The following QKI variants were observed in gnomAD, a reference collection of about 807,000 sequenced individuals.
QKI encodes KH domain-containing RNA-binding protein QKI.
Under a neutral mutation model 39.0 loss-of-function variants are expected in QKI, and 10 were observed. That is an observed-to-expected ratio of 0.26 (90% CI 0.16 to 0.43). The LOEUF is 0.43. QKI is among the 20% of genes least tolerant of loss of function. The probability of loss-of-function intolerance (pLI) is 1.00; values close to 1 mark genes in which losing one functional copy is unlikely to be tolerated. For synonymous variants in QKI, 204 were observed against 155.4 expected (o/e 1.31, Z -2.33); for missense variants, 218 against 428.0 (o/e 0.51, Z 4.33).
At chr6:163,499,574 A>C (rs1383353045) in intron 3 of QKI, among the ~76,000 whole-genome samples, 1 of 152,220 alleles carries the variant, frequency 6.6e-6, no homozygotes, top group Admixed American at 6.5e-5. Flanking sequence ...GTTTAGTTTA[A>C]CATTTAATGG....
chr6:163,454,539 G>A (rs539416218), intron 1 of QKI, among the ~76,000 whole-genome samples: 4 of 152,092 alleles, frequency 2.6e-5, no homozygotes, highest in Admixed American at 6.6e-5. Context: ...TGTAGTATTC[G>A]ATACTGTTGG....
intron 2 of QKI, among the ~76,000 whole-genome samples, chr6:163,473,563 G>A (rs1364144511): frequency 1.3e-5 from 2 of 152,060 alleles, no homozygotes; most frequent in South Asian, 2.1e-4. Flanking sequence ...ATGAGACATC[G>A]TTTCAGATCT....
At position 163,577,125 on chromosome 6, in the gene QKI, G is replaced by A. The variant is rs867913490; in HGVS notation, c.*6415G>A. ...ATTTCCAGTAGTGTGAAACCTTTAC[G>A]AGTCTTTAACATCTAAATGTTATGA... On this transcript the variant is annotated 3_prime_UTR_variant, in exon 8 of 8. Coordinates refer to ENST00000361752, the MANE Select transcript of QKI (RefSeq NM_006775.3). 4 of 152,026 alleles carry A rather than the reference G, an allele frequency of 2.6e-5. No individual in the cohort carries two copies. Among genetic ancestry groups the A allele is most frequent in the Non-Finnish European group, 4.4e-5 (3 of 68,004 alleles). 9.4% of individuals were successfully genotyped at this position (152,026 alleles called of 1,614,324 possible).
intron 4 of QKI, among the ~76,000 whole-genome samples, chr6:163,553,490 A>G (rs1301831565): frequency 6.6e-6 from 1 of 151,816 alleles, no homozygotes; most frequent in East Asian, 1.9e-4. Context: ...CAGCCCAACC[A>G]TATCATCTAA....
chr6:163,542,461 C>G (rs981099000), intron 4 of QKI, among the ~76,000 whole-genome samples: 3 of 151,976 alleles, frequency 2.0e-5, no homozygotes, highest in Non-Finnish European at 4.4e-5. Context: ...CTTGTTTTCA[C>G]TATAATTTTC....
intron 1 of QKI, chr6:163,416,204 A>G (rs1406352607): frequency 3.0e-6 from 1 of 337,724 alleles, no homozygotes; most frequent in Non-Finnish European, 5.9e-6. Flanking sequence ...AGGGCGAAAT[A>G]AAATTGAGCC....
At chr6:163,560,355 A>G (rs2143358) in intron 4 of QKI, among the ~76,000 whole-genome samples, 15,066 of 152,218 alleles carry the variant, frequency 0.099, 899 homozygotes, top group East Asian at 0.26. Context: ...AAGCAGTGGC[A>G]TTATTTGAGG....
chr6:163,502,225 A>C (rs1778815119), intron 3 of QKI, among the ~76,000 whole-genome samples: 1 of 152,088 alleles, frequency 6.6e-6, no homozygotes, highest in Non-Finnish European at 1.5e-5. Flanking sequence ...TGGGAGGCTG[A>C]GGTGGGAGGA....
intron 3 of QKI, among the ~76,000 whole-genome samples, chr6:163,498,263 G>A (rs532330236): frequency 6.7e-6 from 1 of 150,150 alleles, no homozygotes; most frequent in South Asian, 2.1e-4. Context: ...TAACAAATTT[G>A]CACAATTGTA....
intron 3 of QKI, among the ~76,000 whole-genome samples, chr6:163,493,560 T>G (rs1778204027): frequency 6.6e-6 from 1 of 152,182 alleles, no homozygotes; most frequent in African/African-American, 2.4e-5. Flanking sequence ...ACTTTATCAT[T>G]AAGATAAATG....
chr6:163,435,960 T>A (rs1035728851), intron 1 of QKI, among the ~76,000 whole-genome samples: 4 of 152,174 alleles, frequency 2.6e-5, no homozygotes, highest in African/African-American at 9.7e-5. Context: ...GTGACTAATG[T>A]TTGTAATTTC....
intron 4 of QKI, among the ~76,000 whole-genome samples, chr6:163,557,848 A>G (rs570018468): frequency 6.6e-6 from 1 of 152,008 alleles, no homozygotes; most frequent in Non-Finnish European, 1.5e-5. Context: ...TCGTGACTGG[A>G]TATTGCACTT....
At chr6:163,439,506 C>T (rs1485769067) in intron 1 of QKI, among the ~76,000 whole-genome samples, 1 of 151,330 alleles carries the variant, frequency 6.6e-6, no homozygotes, top group East Asian at 1.9e-4. Context: ...CGCCACCACA[C>T]ATGGCTAATT....
At chr6:163,549,610 G>A (rs1374232385) in intron 4 of QKI, among the ~76,000 whole-genome samples, 1 of 152,198 alleles carries the variant, frequency 6.6e-6, no homozygotes, top group Non-Finnish European at 1.5e-5. Flanking sequence ...TACTCCGAAA[G>A]CTGAGGCACA....
rs757985858 is a variant in QKI, at chr6:163,415,310, C to T, written c.117C>T (p.Asn39=). Residue 39 remains asparagine, a synonymous_variant, in exon 1 of 8, where the codon AAC becomes AAT. Coordinates refer to ENST00000361752, the MANE Select transcript of QKI (RefSeq NM_006775.3). The part of the protein sequence containing the change: ...SSLPNFCGIF[N]HLERLLDEEI... ...TGCCCAACTTCTGCGGGATCTTCAA[C>T]CACCTCGAGCGGCTGCTGGACGAAG... The T allele has an allele frequency of 4.4e-6, 7 of 1,593,404 alleles. No homozygotes were observed. Among genetic ancestry groups the T allele is most frequent in the South Asian group, 1.1e-5 (1 of 90,214 alleles).
At chr6:163,497,455 TAATTC>T (rs1778482002) in intron 3 of QKI, among the ~76,000 whole-genome samples, 1 of 152,120 alleles carries the variant, frequency 6.6e-6, no homozygotes, top group African/African-American at 2.4e-5. Context: ...TTGAAATTCT[TAATTC>T]AGTAGCAAAT....
chr6:163,429,192 G>A (rs1788641744), intron 1 of QKI, among the ~76,000 whole-genome samples: 1 of 152,140 alleles, frequency 6.6e-6, no homozygotes, highest in South Asian at 2.1e-4. Flanking sequence ...TTTATGAGAA[G>A]CTTGAATTTC....
At chr6:163,493,316 G>A (rs1371207579) in intron 3 of QKI, among the ~76,000 whole-genome samples, 1 of 152,012 alleles carries the variant, frequency 6.6e-6, no homozygotes, top group Admixed American at 6.6e-5. Context: ...ATTTCTAATA[G>A]TGACGGGGTT....
At chr6:163,569,893 A>T (rs1783603695) in intron 7 of QKI, 1 of 986,948 alleles carries the variant, frequency 1.0e-6, no homozygotes, top group East Asian at 1.1e-4. Context: ...TGAGTGTAGA[A>T]TTTTAAATGG....
Sources: gnomAD v4.1 joint callset for allele counts (sites outside exome capture counted in the v4.1 genomes callset) on GRCh38, gnomAD v4.1.1 for gene constraint, MANE v1.5 for transcripts, NCBI Gene and HGNC (gene_info 2026-07-23, HGNC 2026-07-21) for gene names.